CNGA1: variants seen among roughly 807,000 people sequenced by gnomAD.
The protein encoded by CNGA1 is cyclic nucleotide-gated channel alpha-1.
In CNGA1, 53 loss-of-function variants were observed where a neutral mutation model predicts 69.7. The ratio of observed to expected loss-of-function variants is 0.76; its 90% CI spans 0.61 to 0.96. CNGA1 has a LOEUF of 0.96. CNGA1 is among the 40% of genes least tolerant of loss of function. The pLI, the probability that CNGA1 is intolerant of heterozygous loss-of-function variation, is 0.00. For missense variants in CNGA1, 739 were observed against 811.2 expected (o/e 0.91, Z 1.08); for synonymous variants, 249 against 283.5 (o/e 0.88, Z 1.22).
At chr4:47,967,902 G>A (rs554375366) in intron 3 of CNGA1, among the ~76,000 whole-genome samples, 15 of 152,036 alleles carry the variant, frequency 9.9e-5, no homozygotes, top group East Asian at 5.8e-4. Context: ...CACTTGAACC[G>A]GGGAGGTGGA....
At chr4:48,005,486 C>A (rs1226251243) in intron 2 of CNGA1, among the ~76,000 whole-genome samples, 1 of 152,172 alleles carries the variant, frequency 6.6e-6, no homozygotes, top group East Asian at 1.9e-4. Context: ...TTTACATAGG[C>A]TTTTAAATTG....
In CNGA1 at chr4:47,937,120, A is replaced by G; in HGVS notation, c.1362T>C (p.Pro454=). The change falls in exon 11 of 11, where the codon CCT becomes CCC. Residue 454 remains proline (P), a synonymous_variant. Transcript: ENST00000514170. ...TGGCAATTTCTGCTCTTAGTTTATC[A>G]GGTAGATACTTTAAGACTTCTTTCT... ...VDEKEVLKYL[P]DKLRAEIAIN... 9.9e-6 allele frequency: 16 copies of G among 1,614,188 alleles called. No homozygotes were observed. Among genetic ancestry groups the G allele is most frequent in the Non-Finnish European group, 1.4e-5 (16 of 1,180,038 alleles).
intron 3 of CNGA1, among the ~76,000 whole-genome samples, chr4:47,973,741 A>G (rs1741172845): frequency 1.3e-5 from 2 of 152,130 alleles, no homozygotes; most frequent in African/African-American, 4.8e-5. Flanking sequence ...ACTAAATTAC[A>G]TAGCTACCTC....
At chr4:47,993,043 A>G (rs372503507) in intron 2 of CNGA1, among the ~76,000 whole-genome samples, 59 of 152,276 alleles carry the variant, frequency 3.9e-4, no homozygotes, top group African/African-American at 1.3e-3. Flanking sequence ...TATGAAACCA[A>G]CTTGATCAGG....
intron 3 of CNGA1, among the ~76,000 whole-genome samples, chr4:47,959,951 C>G (rs1263353627): frequency 1.3e-5 from 2 of 152,120 alleles, no homozygotes; most frequent in Admixed American, 6.6e-5. Context: ...AAATTATAAA[C>G]TTTTGCTTAT....
At chr4:47,963,424 T>G (rs1227984416) in intron 3 of CNGA1, among the ~76,000 whole-genome samples, 1 of 152,234 alleles carries the variant, frequency 6.6e-6, no homozygotes, top group Non-Finnish European at 1.5e-5. Flanking sequence ...TCCTGATAAA[T>G]GATCACCTGG....
chr4:47,957,302 G>A (rs981674512), intron 3 of CNGA1, among the ~76,000 whole-genome samples: 26 of 152,004 alleles, frequency 1.7e-4, no homozygotes, highest in African/African-American at 6.3e-4. Context: ...ATATATTCAT[G>A]GATCTTTTAC....
intron 3 of CNGA1, among the ~76,000 whole-genome samples, chr4:47,974,165 AAAG>A (rs1435857310): frequency 6.7e-5 from 10 of 149,374 alleles, no homozygotes; most frequent in Non-Finnish European, 1.3e-4. Context: ...AAAATTTAAA[AAAG>A]AAAAAGCAAA....
At chr4:48,008,091 GT>G (rs760680849) in intron 2 of CNGA1, among the ~76,000 whole-genome samples, 1 of 152,048 alleles carries the variant, frequency 6.6e-6, no homozygotes, top group Non-Finnish European at 1.5e-5. Flanking sequence ...CTATATAAAT[GT>G]TTTTGGGTTT....
intron 2 of CNGA1, among the ~76,000 whole-genome samples, chr4:47,988,466 A>G (rs1742085039): frequency 6.6e-6 from 1 of 152,142 alleles, no homozygotes; most frequent in African/African-American, 2.4e-5. Context: ...TGGAGGCTAT[A>G]CAGCTCTCAG....
At chr4:48,002,024 A>G (rs1401323419) in intron 2 of CNGA1, among the ~76,000 whole-genome samples, 1 of 152,236 alleles carries the variant, frequency 6.6e-6, no homozygotes, top group African/African-American at 2.4e-5. Flanking sequence ...ACAATATATC[A>G]AAATTTGTGG....
rs58349297 is a variant in CNGA1, at chr4:47,976,149, G to GTATATA, written c.-15+5238_-15+5243dup. 4.9e-4 allele frequency among the ~76,000 whole-genome samples: 12 copies of GTATATA among 24,420 alleles called. 1 individual carries two copies. The highest frequency in any genetic ancestry group is 1.1e-3 in the African/African-American group (8 of 7,496). 16.0% of individuals were successfully genotyped at this position (24,420 alleles called of 152,430 possible). On this transcript the variant is annotated intron_variant, in intron 3 of 10. Transcript: ENST00000514170. ...TCTCCCTAAGCATTTACTTTCATAT[G>GTATATA]TATATATATATATATATATATACAC... is the stretch of plus-strand genomic sequence containing the variant.
chr4:47,975,499 C>A (rs1167717634), intron 3 of CNGA1, among the ~76,000 whole-genome samples: 1 of 151,996 alleles, frequency 6.6e-6, no homozygotes, highest in Non-Finnish European at 1.5e-5. Context: ...CTAAAACAAA[C>A]AAATAACCCA....
chr4:47,976,526 T>C (rs1406162716), intron 3 of CNGA1, among the ~76,000 whole-genome samples: 1 of 151,790 alleles, frequency 6.6e-6, no homozygotes, highest in Non-Finnish European at 1.5e-5. Flanking sequence ...AGGCAGATAC[T>C]TAGAACCCAG....
intron 6 of CNGA1, among the ~76,000 whole-genome samples, chr4:47,948,403 T>C (rs1220817229): frequency 6.6e-6 from 1 of 152,228 alleles, no homozygotes; most frequent in African/African-American, 2.4e-5. Context: ...TGGTTCTCTA[T>C]GCCTGTATAG....
At chr4:47,970,700 T>C (rs1740969434) in intron 3 of CNGA1, among the ~76,000 whole-genome samples, 1 of 151,696 alleles carries the variant, frequency 6.6e-6, no homozygotes, top group Admixed American at 6.6e-5. Flanking sequence ...TACTGAATTA[T>C]TGCCCTTTCT....
intron 3 of CNGA1, among the ~76,000 whole-genome samples, chr4:47,970,132 A>G (rs779519776): frequency 2.6e-5 from 4 of 152,160 alleles, no homozygotes; most frequent in Admixed American, 2.0e-4. Context: ...GGTTGCAGCA[A>G]CCTCGGGTTA....
chr4:48,002,584 T>TAGTA (rs34449455), intron 2 of CNGA1, among the ~76,000 whole-genome samples: 43,912 of 149,264 alleles, frequency 0.29, 7,085 homozygotes, highest in African/African-American at 0.44. Context: ...GGAGATGAAA[T>TAGTA]AGGCGTCAAA....
intron 2 of CNGA1, among the ~76,000 whole-genome samples, chr4:47,985,427 G>A (rs1741935852): frequency 6.6e-6 from 1 of 152,132 alleles, no homozygotes; most frequent in African/African-American, 2.4e-5. Flanking sequence ...AAAATGACAA[G>A]ATCCAGAATT....
Sources: gnomAD v4.1 joint callset for allele counts (sites outside exome capture counted in the v4.1 genomes callset) on GRCh38, gnomAD v4.1.1 for gene constraint, MANE v1.5 for transcripts, NCBI Gene and HGNC (gene_info 2026-07-23, HGNC 2026-07-21) for gene names.